The following SEPTIN9 variants were observed in gnomAD, a reference collection of about 807,000 sequenced individuals.
The protein encoded by SEPTIN9 is septin 9, also known as septin-9.
In SEPTIN9, 13 loss-of-function variants were observed where a neutral mutation model predicts 56.6. That is an observed-to-expected ratio of 0.23 (90% CI 0.15 to 0.37). The LOEUF (loss-of-function observed/expected upper bound fraction) is 0.37. Among genes scored for constraint, SEPTIN9 ranks in the 10% least tolerant of loss-of-function variants. The pLI is 1.00. For synonymous variants in SEPTIN9, 332 were observed against 334.1 expected, an observed-to-expected ratio of 0.99 and a Z score of 0.07; for missense variants, 650 against 823.1, an observed-to-expected ratio of 0.79 and a Z score of 2.57.
intron 2 of SEPTIN9, among the ~76,000 whole-genome samples, chr17:77,357,187 G>A (rs887787804): frequency 6.6e-6 from 1 of 152,106 alleles, no homozygotes; most frequent in Non-Finnish European, 1.5e-5. Flanking sequence ...GGGGGCAGAT[G>A]GGGAAGCAAG....
At chr17:77,479,898 C>G (rs188738439) in intron 3 of SEPTIN9, among the ~76,000 whole-genome samples, 372 of 152,244 alleles carry the variant, frequency 2.4e-3, no homozygotes, top group Non-Finnish European at 4.2e-3. Context: ...CCCCGCAAGG[C>G]AAGGCCCCAT....
intron 2 of SEPTIN9, among the ~76,000 whole-genome samples, chr17:77,346,922 A>G (rs927063282): frequency 2.0e-5 from 3 of 152,312 alleles, no homozygotes; most frequent in African/African-American, 7.2e-5. Context: ...CAGCAGGAAA[A>G]GGACATCTCT....
chr17:77,314,061 C>T (rs1227407924), intron 2 of SEPTIN9, among the ~76,000 whole-genome samples: 6 of 152,006 alleles, frequency 3.9e-5, no homozygotes, highest in Non-Finnish European at 5.9e-5. Context: ...GTTAGCTGGG[C>T]GTGGTGGTAC....
chr17:77,355,639 CCTTCCATGGTGAAGGACT>C (rs1176646649), intron 2 of SEPTIN9, among the ~76,000 whole-genome samples: 2 of 152,108 alleles, frequency 1.3e-5, no homozygotes, highest in Non-Finnish European at 2.9e-5. Context: ...ATCTGAAAGG[CCTTCCATGGTGAAGGACT>C]TGGACCTGAG....
chr17:77,373,075 G>A, intron 2 of SEPTIN9: 2 of 522,256 alleles, frequency 3.8e-6, no homozygotes, highest in South Asian at 8.3e-5. Flanking sequence ...CGCCCGGGGG[G>A]AGGGGCTGAG....
chr17:77,488,411 G>T, intron 6 of SEPTIN9, 90 bp downstream of exon 6: 1 of 1,255,474 alleles, frequency 8.0e-7, no homozygotes. Flanking sequence ...TTCCCGGCCC[G>T]CGGGGGTGCA....
Position 77,499,643 on chromosome 17 carries a change from AGT to A in SEPTIN9, c.*996_*997del, listed in dbSNP as rs953197486. 7 of 433,686 alleles carry A rather than the reference AGT, an allele frequency of 1.6e-5. No individual in the cohort carries two copies. Among genetic ancestry groups the A allele is most frequent in the Non-Finnish European group, 2.2e-5 (5 of 227,720 alleles). 26.9% of individuals were successfully genotyped at this position (433,686 alleles called of 1,614,324 possible). Reference sequence around the variant, plus strand: ...CCTGCCCTGCCCAAGTGACCAGGGAAGTGTGTGTGTGTCCATGTGTATGCGTG... The same window carrying A: ...CCTGCCCTGCCCAAGTGACCAGGGAAGTGTGTGTGTCCATGTGTATGCGTG... On this transcript the variant is annotated 3_prime_UTR_variant, in exon 12 of 12. Coordinates refer to ENST00000427177, the MANE Select transcript of SEPTIN9 (RefSeq NM_001113491.2).
At chr17:77,395,152 G>A (rs1349780079) in intron 2 of SEPTIN9, among the ~76,000 whole-genome samples, 2 of 151,926 alleles carry the variant, frequency 1.3e-5, no homozygotes, top group South Asian at 2.1e-4. Flanking sequence ...TGGCTCAAGC[G>A]ATCCTCTAGC....
rs1221288597 is a variant in SEPTIN9, at chr17:77,487,233, A to G, written c.914-191A>G. Among the ~76,000 whole-genome samples the G allele has an allele frequency of 6.6e-6, 1 of 152,146 alleles. No homozygotes were observed. Among genetic ancestry groups the G allele is most frequent in the Non-Finnish European group, 1.5e-5 (1 of 68,012 alleles). ...TCAGAGCCCGGCTGTGTGGGTTTAC[A>G]CAGTCACTGGACACCCGGCTCGAGG... On this transcript the variant is annotated intron_variant, in intron 4 of 11. Coordinates refer to ENST00000427177, the MANE Select transcript of SEPTIN9 (RefSeq NM_001113491.2). This position sits in a 1 kb window ranked among gnomAD's most constrained non-coding sequence, Gnocchi z 4.3.
rs2032566593 is a variant in SEPTIN9 at position 77,313,060 on chromosome 17, G to A, written c.76+5863G>A. On this transcript the variant is annotated intron_variant, in intron 2 of 11. Transcript: ENST00000427177. This position sits in a 1 kb window ranked among gnomAD's most constrained non-coding sequence, Gnocchi z 4.5. ...TTGTTTATCCAGTGAACGGTTACTG[G>A]GCACCTACTGAGCAAGCAGGATGAA... 6.6e-6 allele frequency among the ~76,000 whole-genome samples: 1 copy of A among 152,064 alleles called. No individual in the cohort carries two copies. The highest frequency in any genetic ancestry group is 2.4e-5 in the African/African-American group (1 of 41,396).
At chr17:77,403,340 G>C (rs2035966158) in intron 3 of SEPTIN9, among the ~76,000 whole-genome samples, 1 of 152,244 alleles carries the variant, frequency 6.6e-6, no homozygotes, top group Admixed American at 6.5e-5. Flanking sequence ...ACTGGGAAGG[G>C]GTGCCTGGAC....
At chr17:77,336,878 T>A (rs541731729) in intron 2 of SEPTIN9, among the ~76,000 whole-genome samples, 20 of 152,332 alleles carry the variant, frequency 1.3e-4, no homozygotes, top group African/African-American at 4.8e-4. Flanking sequence ...TTTGCTGAAA[T>A]TTTTTAACAT....
chr17:77,314,437 G>A (rs2032624035), intron 2 of SEPTIN9, among the ~76,000 whole-genome samples: 1 of 146,226 alleles, frequency 6.8e-6, no homozygotes, highest in Non-Finnish European at 1.5e-5. Flanking sequence ...TCCCACTTTG[G>A]CCTCCCAAAG....
rs1438730081 is a variant in SEPTIN9 at position 77,473,180 on chromosome 17, CCTCAGTCT to C, written c.722-8963_722-8956del. Reference sequence around the variant, plus strand: ...GAGCTCAGGGATGGAGAGCAGCTGGCCTCAGTCTTCTCCTCTTACCTCTTTGTTTCTCA... The same window carrying C: ...GAGCTCAGGGATGGAGAGCAGCTGGCTCTCCTCTTACCTCTTTGTTTCTCA... On this transcript the variant is annotated intron_variant, in intron 3 of 11. Coordinates refer to ENST00000427177, the MANE Select transcript of SEPTIN9 (RefSeq NM_001113491.2). Among the ~76,000 whole-genome samples the C allele has an allele frequency of 2.0e-5, 3 of 152,308 alleles. No individual in the cohort carries two copies. In the East Asian group the frequency reaches 5.8e-4, roughly 29 times the overall value.
rs149180260 is a variant in SEPTIN9, at chr17:77,302,719, A to G, written c.20-4422A>G. Among the ~76,000 whole-genome samples the G allele has an allele frequency of 6.8e-3, 1,030 of 152,238 alleles. 13 individuals are homozygous for G. Among genetic ancestry groups the G allele is most frequent in the African/African-American group, 0.024 (984 of 41,552 alleles). ...GGGAGAGAAGCCTCTGGGCTCCTAG[A>G]TACATGGGTCAGTGTCCACCCCTGC... On this transcript the variant is annotated intron_variant, in intron 1 of 11. Transcript: ENST00000427177.
rs958975716 is a variant in SEPTIN9 at position 77,453,332 on chromosome 17, G to A, written c.722-28812G>A. 1.3e-5 allele frequency among the ~76,000 whole-genome samples: 2 copies of A among 152,166 alleles called. No homozygotes were observed. Among genetic ancestry groups the A allele is most frequent in the Non-Finnish European group, 2.9e-5 (2 of 68,028 alleles). On this transcript the variant is annotated intron_variant, in intron 3 of 11. Transcript: ENST00000427177. This position sits in a 1 kb window ranked among gnomAD's most constrained non-coding sequence, Gnocchi z 4.4. ...TCAAAAATGGCCTTGTTGGCCGGGC[G>A]CAGTGGCTCATGCCTGTAATCCCAA...
intron 3 of SEPTIN9, among the ~76,000 whole-genome samples, chr17:77,409,955 C>G (rs56829570): frequency 0.071 from 10,763 of 152,262 alleles, 1,190 homozygotes; most frequent in African/African-American, 0.23. Flanking sequence ...GACACACTGT[C>G]TCACCTGTGA....
rs573635481 is a variant in SEPTIN9, at chr17:77,323,125, C to T, written c.76+15928C>T. Among the ~76,000 whole-genome samples the T allele has an allele frequency of 1.1e-4, 17 of 152,288 alleles. No individual in the cohort carries two copies. The highest frequency in any genetic ancestry group is 1.7e-4 in the African/African-American group (7 of 41,556). On this transcript the variant is annotated intron_variant, in intron 2 of 11. Transcript: ENST00000427177. This position sits in a 1 kb window ranked among gnomAD's most constrained non-coding sequence, Gnocchi z 6.8. ...AAGACCTGCCCTCTTGTCCCTCCCT[C>T]GGCAGTGTCTGGCTCCGGTCTGGTT...
intron 2 of SEPTIN9, among the ~76,000 whole-genome samples, chr17:77,343,609 G>A (rs571725000): frequency 2.2e-4 from 34 of 152,354 alleles, no homozygotes; most frequent in Middle Eastern, 3.4e-3. Context: ...TCAGACAGAA[G>A]TTATGGGTAA....
Sources: gnomAD v4.1 joint callset for allele counts (sites outside exome capture counted in the v4.1 genomes callset) on GRCh38, gnomAD v4.1.1 for gene constraint, Gnocchi (gnomAD v3.1) non-coding constraint, MANE v1.5 for transcripts, NCBI Gene and HGNC (gene_info 2026-07-23, HGNC 2026-07-21) for gene names.